Variants in DLG2 observed in about 807,000 individuals in gnomAD.
DLG2 encodes the protein discs large MAGUK scaffold protein 2, also known as disks large homolog 2.
A neutral mutation model predicts 132.5 loss-of-function variants in DLG2; 45 were observed. The ratio of observed to expected loss-of-function variants is 0.34; its 90% CI spans 0.27 to 0.44. DLG2 has a LOEUF of 0.44. Among genes scored for constraint, DLG2 ranks in the 20% least tolerant of loss-of-function variants. DLG2 has a pLI of 1.00. For missense variants in DLG2, 1,045 were observed against 1,196.9 expected (o/e 0.87, Z 1.87); for synonymous variants, 424 against 419.6 (o/e 1.01, Z -0.13).
intron 3 of DLG2, among the ~76,000 whole-genome samples, chr11:85,516,846 A>T (rs1269400913): frequency 6.6e-6 from 1 of 152,144 alleles, no homozygotes; most frequent in Non-Finnish European, 1.5e-5. Flanking sequence ...CCAAAAGTAC[A>T]AAAAAAGAAA....
intron 4 of DLG2, among the ~76,000 whole-genome samples, chr11:85,278,311 A>G (rs2078017968): frequency 6.6e-6 from 1 of 152,248 alleles, no homozygotes; most frequent in Admixed American, 6.5e-5. Context: ...GGAATGAATC[A>G]ATAAAATATC....
chr11:84,691,012 A>C (rs1033979830), intron 6 of DLG2, among the ~76,000 whole-genome samples: 1 of 151,878 alleles, frequency 6.6e-6, no homozygotes, highest in Admixed American at 6.6e-5. Context: ...AATGGTCCAC[A>C]GAACAGTTTA....
At chr11:85,551,756 G>A (rs2076676984) in intron 3 of DLG2, among the ~76,000 whole-genome samples, 1 of 151,952 alleles carries the variant, frequency 6.6e-6, no homozygotes, top group Admixed American at 6.6e-5. Context: ...GCCTTCCAGA[G>A]TAACAATGTG....
chr11:84,722,334 C>A (rs1253994389), intron 6 of DLG2, among the ~76,000 whole-genome samples: 1 of 152,102 alleles, frequency 6.6e-6, no homozygotes, highest in African/African-American at 2.4e-5. Context: ...AATGTCAGAC[C>A]ACCTATATCC....
At chr11:85,037,658 G>A (rs2061529794) in intron 6 of DLG2, among the ~76,000 whole-genome samples, 2 of 152,176 alleles carry the variant, frequency 1.3e-5, no homozygotes, top group East Asian at 3.9e-4. Context: ...GTTAAAATGT[G>A]GTGGGTTTTT....
intron 8 of DLG2, among the ~76,000 whole-genome samples, chr11:84,212,261 A>T (rs1243741356): frequency 1.3e-5 from 2 of 152,240 alleles, no homozygotes; most frequent in African/African-American, 4.8e-5. Context: ...ACCAGAGCAT[A>T]TTCCTTAAAG....
chr11:84,565,485 CTG>C (rs2099449708), intron 6 of DLG2, among the ~76,000 whole-genome samples: 1 of 152,116 alleles, frequency 6.6e-6, no homozygotes, highest in African/African-American at 2.4e-5. Flanking sequence ...TTAGAAAACT[CTG>C]TGAGTCATAC....
At chr11:85,449,695 TC>T (rs1262964693) in intron 3 of DLG2, among the ~76,000 whole-genome samples, 1 of 152,118 alleles carries the variant, frequency 6.6e-6, no homozygotes, top group Non-Finnish European at 1.5e-5. Flanking sequence ...TTTAGGTAAC[TC>T]CATGAAGCCT....
chr11:83,694,970 T>C (rs1009057341), intron 18 of DLG2, among the ~76,000 whole-genome samples: 1 of 152,360 alleles, frequency 6.6e-6, no homozygotes, highest in Non-Finnish European at 1.5e-5. Context: ...CCCCGTCTAC[T>C]TTGCATTACC....
At chr11:85,286,563 A>G (rs1265391027) in intron 3 of DLG2, among the ~76,000 whole-genome samples, 1 of 152,150 alleles carries the variant, frequency 6.6e-6, no homozygotes, top group African/African-American at 2.4e-5. Context: ...ACACTGTCAT[A>G]TTATATTAGC....
At chr11:83,517,554 T>C (rs2095339379) in intron 21 of DLG2, among the ~76,000 whole-genome samples, 1 of 152,208 alleles carries the variant, frequency 6.6e-6, no homozygotes, top group African/African-American at 2.4e-5. Context: ...CTTTGTTCCA[T>C]TGCTGGTGAG....
At position 85,598,722 on chromosome 11, in the gene DLG2, AGCT is replaced by A; in HGVS notation, c.-29_-27del. The A allele has an allele frequency of 2.5e-6, 4 of 1,578,200 alleles. No homozygotes were observed. The highest frequency in any genetic ancestry group is 3.4e-6 in the Non-Finnish European group (4 of 1,164,566). On this transcript the variant is annotated 5_prime_UTR_variant, in exon 3 of 28. Transcript: ENST00000376104. ...CACCTTTTTAACCGCATTTTTCAAC[AGCT>A]GCTCCTCTGGTTTCCTTAATTTTTT... is the stretch of plus-strand genomic sequence containing the variant.
At chr11:83,788,755 C>A (rs1480991729) in intron 17 of DLG2, among the ~76,000 whole-genome samples, 3 of 152,168 alleles carry the variant, frequency 2.0e-5, no homozygotes, top group Non-Finnish European at 4.4e-5. Flanking sequence ...GTGATCATGG[C>A]AAATAAATTC....
intron 6 of DLG2, among the ~76,000 whole-genome samples, chr11:84,787,058 A>G (rs1468212429): frequency 6.6e-6 from 1 of 152,218 alleles, no homozygotes; most frequent in East Asian, 1.9e-4. Context: ...TGAGACTCAA[A>G]GAACCAACAC....
In DLG2 at chr11:84,948,186, C is replaced by T. The variant is rs559352545; in HGVS notation, c.357+163475G>A. 2.0e-5 allele frequency among the ~76,000 whole-genome samples: 3 copies of T among 152,324 alleles called. No homozygotes were observed. The South Asian group carries it at 6.2e-4, about 32-fold the overall frequency. On this transcript the variant is annotated intron_variant, in intron 6 of 27. Transcript: ENST00000376104. ...AATAGTTGCCATGGCAAATACTTCT[C>T]CCACGCTGCTGGAAGGCCTTCCCAT...
At chr11:83,580,034 G>T (rs2096943160) in intron 19 of DLG2, among the ~76,000 whole-genome samples, 1 of 151,894 alleles carries the variant, frequency 6.6e-6, no homozygotes, top group Admixed American at 6.6e-5. Context: ...CACTGAGGGA[G>T]AAACAGCTAC....
At chr11:85,443,889 GC>G (rs2091895014) in intron 3 of DLG2, among the ~76,000 whole-genome samples, 1 of 152,132 alleles carries the variant, frequency 6.6e-6, no homozygotes, top group Non-Finnish European at 1.5e-5. Context: ...AACAAAGTAA[GC>G]CCTAATTTTT....
At chr11:83,693,069 A>T (rs975407839) in intron 18 of DLG2, 5 of 152,204 alleles carry the variant, frequency 3.3e-5, no homozygotes, top group Non-Finnish European at 7.3e-5. Context: ...ACTTTCTGAG[A>T]AAGTAAATAA....
intron 6 of DLG2, among the ~76,000 whole-genome samples, chr11:85,087,539 T>C (rs989699366): frequency 6.6e-6 from 1 of 152,138 alleles, no homozygotes; most frequent in Non-Finnish European, 1.5e-5. Flanking sequence ...AGAGGAGACA[T>C]GCAAAAACCA....
Sources: allele counts gnomAD v4.1 joint callset (sites outside exome capture counted in the v4.1 genomes callset), GRCh38; gene constraint gnomAD v4.1.1; transcripts MANE v1.5; gene names NCBI Gene and HGNC (gene_info 2026-07-23, HGNC 2026-07-21).